The following ROBO1 variants were observed in gnomAD, a reference collection of about 807,000 sequenced individuals.
ROBO1 encodes roundabout guidance receptor 1.
Under a neutral mutation model 195.9 loss-of-function variants are expected in ROBO1, and 149 were observed. That is an observed-to-expected ratio of 0.76 (90% CI 0.67 to 0.87). The LOEUF is 0.87. ROBO1 is among the 40% of genes least tolerant of loss of function. ROBO1 has a pLI of 0.00. For synonymous variants in ROBO1, 816 were observed against 733.2 expected, an observed-to-expected ratio of 1.11 and a Z score of -1.82; for missense variants, 1,933 against 2,068.3, an observed-to-expected ratio of 0.93 and a Z score of 1.27.
intron 2 of ROBO1, among the ~76,000 whole-genome samples, chr3:79,586,158 A>G (rs893410397): frequency 1.3e-5 from 2 of 152,026 alleles, no homozygotes; most frequent in Non-Finnish European, 2.9e-5. Context: ...CCTCAAGTCT[A>G]TTCAAAATGT....
chr3:79,247,374 C>A (rs1425764863), intron 2 of ROBO1, among the ~76,000 whole-genome samples: 1 of 150,300 alleles, frequency 6.7e-6, no homozygotes, highest in Non-Finnish European at 1.5e-5. Flanking sequence ...TAACTTCATC[C>A]TGTTCAGATT....
At chr3:78,866,280 T>C (rs1362497175) in intron 4 of ROBO1, among the ~76,000 whole-genome samples, 3 of 152,192 alleles carry the variant, frequency 2.0e-5, no homozygotes, top group African/African-American at 4.8e-5. Context: ...TTTAGAAAAC[T>C]ATTTCATTGT....
rs183235726 is a variant in ROBO1 at position 79,192,952 on chromosome 3, A to C, written c.89-67413T>G. The stretch of plus-strand genomic sequence containing the variant: ...AGTCTTGGACCAGAGAGGCGGTAGC[A>C]GAGATGGAAAAAAGAAGTGAATTGA... On this transcript the variant is annotated intron_variant, in intron 2 of 30. Transcript: ENST00000464233. 9.2e-4 allele frequency among the ~76,000 whole-genome samples: 139 copies of C among 151,772 alleles called. 4 individuals are homozygous for C. The East Asian group carries it at 0.025, about 27-fold the overall frequency.
intron 2 of ROBO1, among the ~76,000 whole-genome samples, chr3:79,390,063 G>C (rs1281574866): frequency 6.6e-6 from 1 of 152,100 alleles, no homozygotes; most frequent in Non-Finnish European, 1.5e-5. Context: ...AATATCTACT[G>C]ATAGATTTGA....
chr3:78,898,368 T>C (rs1027308489), intron 4 of ROBO1, among the ~76,000 whole-genome samples: 47 of 145,868 alleles, frequency 3.2e-4, no homozygotes, highest in South Asian at 8.6e-4. Context: ...GACAGATAGA[T>C]AGATAGATAG....
intron 2 of ROBO1, among the ~76,000 whole-genome samples, chr3:79,574,599 A>C (rs1303415335): frequency 6.6e-6 from 1 of 151,850 alleles, no homozygotes; most frequent in Non-Finnish European, 1.5e-5. Flanking sequence ...TTTACTTTTT[A>C]TTGTTTACTT....
chr3:79,223,527 C>T, intron 2 of ROBO1, among the ~76,000 whole-genome samples: 1 of 152,086 alleles, frequency 6.6e-6, no homozygotes. Flanking sequence ...TATTCTGGGA[C>T]CAATTCTTTC....
intron 4 of ROBO1, among the ~76,000 whole-genome samples, chr3:78,861,938 A>G (rs1399853028): frequency 6.6e-6 from 1 of 152,240 alleles, no homozygotes; most frequent in Non-Finnish European, 1.5e-5. Flanking sequence ...ATTTAGATTT[A>G]CAACAACCTA....
At chr3:79,080,544 G>A (rs571736903) in intron 3 of ROBO1, among the ~76,000 whole-genome samples, 1 of 151,888 alleles carries the variant, frequency 6.6e-6, no homozygotes, top group South Asian at 2.1e-4. Context: ...AAATTATAGG[G>A]ATATAAACTA....
At chr3:78,911,617 C>T (rs950141670) in intron 4 of ROBO1, among the ~76,000 whole-genome samples, 4 of 151,992 alleles carry the variant, frequency 2.6e-5, no homozygotes, top group African/African-American at 9.7e-5. Context: ...AGGTGTCATG[C>T]ACTAGTAACC....
chr3:79,701,991 C>A (rs1947635433), intron 1 of ROBO1, among the ~76,000 whole-genome samples: 1 of 151,866 alleles, frequency 6.6e-6, no homozygotes, highest in African/African-American at 2.4e-5. Context: ...AAACTTCGTC[C>A]TCTCATGCAT....
intron 2 of ROBO1, among the ~76,000 whole-genome samples, chr3:79,129,811 T>A (rs2080292487): frequency 6.6e-6 from 1 of 151,888 alleles, no homozygotes; most frequent in African/African-American, 2.4e-5. Context: ...TTTATGGTTT[T>A]AGGTCTAACG....
At chr3:78,647,676 A>G (rs1706387333) in intron 19 of ROBO1, 21 bp from the exon 20 acceptor site, 1 of 1,603,588 alleles carries the variant, frequency 6.2e-7, no homozygotes, top group Non-Finnish European at 8.5e-7. Flanking sequence ...AAAACAAAAT[A>G]TAAACCAGTT....
intron 3 of ROBO1, among the ~76,000 whole-genome samples, chr3:79,071,694 C>T (rs2079091786): frequency 1.4e-5 from 2 of 146,224 alleles, no homozygotes; most frequent in Non-Finnish European, 1.5e-5. Context: ...ATTTGTAATC[C>T]TTGTACCATA....
intron 4 of ROBO1, among the ~76,000 whole-genome samples, chr3:78,777,062 G>A (rs1180858100): frequency 1.3e-5 from 2 of 151,970 alleles, no homozygotes; most frequent in Non-Finnish European, 2.9e-5. Flanking sequence ...AACTCCATTG[G>A]GTATTTGGTT....
At chr3:79,028,463 T>C (rs547311693) in intron 3 of ROBO1, among the ~76,000 whole-genome samples, 98 of 152,020 alleles carry the variant, frequency 6.4e-4, no homozygotes, top group African/African-American at 2.3e-3. Flanking sequence ...TTAAAATACA[T>C]GTAACTAGTC....
intron 4 of ROBO1, among the ~76,000 whole-genome samples, chr3:78,784,341 A>G (rs927006928): frequency 4.6e-5 from 7 of 152,322 alleles, no homozygotes; most frequent in African/African-American, 1.7e-4. Context: ...AACACTTAAT[A>G]GAAAGTTAGT....
intron 2 of ROBO1, among the ~76,000 whole-genome samples, chr3:79,561,799 ATGAAGAC>A (rs1942929750): frequency 6.6e-6 from 1 of 152,248 alleles, no homozygotes; most frequent in East Asian, 1.9e-4. Context: ...TAATGGCAAG[ATGAAGAC>A]TGCACTGTGG....
intron 2 of ROBO1, among the ~76,000 whole-genome samples, chr3:79,444,521 T>A (rs1410011339): frequency 6.6e-6 from 1 of 152,224 alleles, no homozygotes; most frequent in Admixed American, 6.5e-5. Flanking sequence ...AGAGTGGAAA[T>A]TTAAACAACT....
Sources: allele counts gnomAD v4.1 joint callset (sites outside exome capture counted in the v4.1 genomes callset), GRCh38; gene constraint gnomAD v4.1.1; transcripts MANE v1.5; gene names NCBI Gene and HGNC (gene_info 2026-07-23, HGNC 2026-07-21).